The following RETREG1 variants were observed in gnomAD, a reference collection of about 807,000 sequenced individuals.
RETREG1 encodes reticulophagy regulator 1, also known as family with sequence similarity 134 member B.
RETREG1 carries 44 observed loss-of-function variants against 54.8 expected under a neutral mutation model. The observed-to-expected ratio is 0.80, with a 90% confidence interval of 0.63 to 1.03. RETREG1 has a LOEUF of 1.03. Among genes scored for constraint, RETREG1 ranks in the 50% least tolerant of loss-of-function variants. The pLI, the probability that RETREG1 is intolerant of heterozygous loss-of-function variation, is 0.00. For synonymous variants in RETREG1, 217 were observed against 238.5 expected (o/e 0.91, Z 0.83); for missense variants, 554 against 605.1 (o/e 0.92, Z 0.89).
chr5:16,575,716 G>C (rs1275762452), intron 1 of RETREG1, among the ~76,000 whole-genome samples: 3 of 152,132 alleles, frequency 2.0e-5, no homozygotes, highest in Non-Finnish European at 4.4e-5. Flanking sequence ...GAGAATCCTC[G>C]GTCCACTGAG....
chr5:16,559,954 A>T (rs1477582700), intron 3 of RETREG1, among the ~76,000 whole-genome samples: 1 of 152,216 alleles, frequency 6.6e-6, no homozygotes, highest in African/African-American at 2.4e-5. Flanking sequence ...CTGTTCACAG[A>T]TTGTAGAGTT....
chr5:16,486,873 C>A (rs972220370), intron 3 of RETREG1, among the ~76,000 whole-genome samples: 1 of 152,174 alleles, frequency 6.6e-6, no homozygotes, highest in African/African-American at 2.4e-5. Flanking sequence ...CCAAGATCTA[C>A]GCTTAGTGGT....
intron 4 of RETREG1, among the ~76,000 whole-genome samples, chr5:16,482,804 T>A (rs550868707): frequency 4.6e-5 from 7 of 152,234 alleles, no homozygotes; most frequent in Admixed American, 4.6e-4. Context: ...TTCCCAACCA[T>A]GTAAGACACT....
intron 3 of RETREG1, among the ~76,000 whole-genome samples, chr5:16,539,277 C>G (rs188943434): frequency 1.3e-3 from 193 of 152,256 alleles, no homozygotes; most frequent in Non-Finnish European, 2.1e-3. Context: ...TTTTGCTTCT[C>G]CACTCATGTG....
chr5:16,579,136 T>G (rs1186096861), intron 1 of RETREG1, among the ~76,000 whole-genome samples: 1 of 152,208 alleles, frequency 6.6e-6, no homozygotes, highest in East Asian at 1.9e-4. Flanking sequence ...GCACAAGTTA[T>G]GAATTCCAGA....
chr5:16,591,014 A>G (rs1334038404), intron 1 of RETREG1, among the ~76,000 whole-genome samples: 1 of 152,202 alleles, frequency 6.6e-6, no homozygotes, highest in African/African-American at 2.4e-5. Context: ...ATTACACCTC[A>G]GTCCAAAAAC....
intron 3 of RETREG1, among the ~76,000 whole-genome samples, chr5:16,497,170 C>T (rs1441114632): frequency 1.3e-5 from 2 of 152,196 alleles, no homozygotes; most frequent in Non-Finnish European, 2.9e-5. Context: ...CTAATCCTCA[C>T]AACACTCTGA....
At chr5:16,538,629 A>C (rs1374263190) in intron 3 of RETREG1, among the ~76,000 whole-genome samples, 1 of 152,096 alleles carries the variant, frequency 6.6e-6, no homozygotes, top group Non-Finnish European at 1.5e-5. Flanking sequence ...AGACCTACCA[A>C]GACACCATGT....
intron 1 of RETREG1, 78 bp from the exon 2 acceptor site, chr5:16,572,180 C>G (rs1259330550): frequency 6.4e-6 from 6 of 939,736 alleles, no homozygotes; most frequent in Middle Eastern, 2.2e-4. Context: ...CTTCCTGCCA[C>G]AGAAACAAAA....
At chr5:16,595,750 T>A (rs937856617) in intron 1 of RETREG1, among the ~76,000 whole-genome samples, 3 of 152,136 alleles carry the variant, frequency 2.0e-5, no homozygotes, top group Non-Finnish European at 4.4e-5. Flanking sequence ...AAACCCGGGC[T>A]CATTTGTCAG....
In RETREG1 at chr5:16,481,619, A is replaced by C. The variant is rs370024137; in HGVS notation, c.586-526T>G. 3.3e-5 allele frequency among the ~76,000 whole-genome samples: 5 copies of C among 152,142 alleles called. No individual in the cohort carries two copies. The South Asian group carries it at 1.0e-3, about 32-fold the overall frequency. On this transcript the variant is annotated intron_variant, in intron 4 of 8. Coordinates refer to ENST00000306320, the MANE Select transcript of RETREG1 (RefSeq NM_001034850.3). ...AATTTATAGCTGCTAAGCTGACAGG[A>C]TAAATTTATGGCCATCACTATCCTC...
At chr5:16,539,522 C>T (rs1271994778) in intron 3 of RETREG1, among the ~76,000 whole-genome samples, 1 of 152,170 alleles carries the variant, frequency 6.6e-6, no homozygotes, top group African/African-American at 2.4e-5. Context: ...CAAAATACAG[C>T]CGCTGATCCC....
chr5:16,483,301 A>C (rs1738883639), intron 4 of RETREG1, 45 bp downstream of exon 4: 1 of 1,609,238 alleles, frequency 6.2e-7, no homozygotes, highest in Non-Finnish European at 8.5e-7. Flanking sequence ...TTTGTTTCCA[A>C]GTAACTGAAC....
At chr5:16,526,120 A>C (rs759625307) in intron 3 of RETREG1, among the ~76,000 whole-genome samples, 2 of 152,230 alleles carry the variant, frequency 1.3e-5, no homozygotes, top group Non-Finnish European at 2.9e-5. Flanking sequence ...GCAAGTTGAC[A>C]TGAATTTAAC....
chr5:16,596,519 A>G (rs1742897145), intron 1 of RETREG1, among the ~76,000 whole-genome samples: 1 of 152,244 alleles, frequency 6.6e-6, no homozygotes, highest in Admixed American at 6.5e-5. Flanking sequence ...GACGCTCTCA[A>G]CTCAATGCAT....
chr5:16,606,385 T>C (rs935204829), intron 1 of RETREG1, among the ~76,000 whole-genome samples: 3 of 152,086 alleles, frequency 2.0e-5, no homozygotes, highest in Non-Finnish European at 4.4e-5. Context: ...CCAGGAAATT[T>C]CACACGTTCC....
rs970589964 is a variant in RETREG1, at chr5:16,526,205, G to A, written c.458+39558C>T. On this transcript the variant is annotated intron_variant, in intron 3 of 8. Coordinates refer to ENST00000306320, the MANE Select transcript of RETREG1 (RefSeq NM_001034850.3). ...GTATCAAATGGCTCAGGGAGATTCT[G>A]TAGAGAAATATTTTGTTTCCAAGAA... 3.3e-5 allele frequency among the ~76,000 whole-genome samples: 5 copies of A among 152,364 alleles called. No individual in the cohort carries two copies. In the South Asian group the frequency reaches 1.0e-3, roughly 32 times the overall value.
At chr5:16,600,514 C>G (rs1579721497) in intron 1 of RETREG1, among the ~76,000 whole-genome samples, 1 of 152,208 alleles carries the variant, frequency 6.6e-6, no homozygotes, top group Admixed American at 6.5e-5. Flanking sequence ...CAGGCACATT[C>G]TGATGGGGAC....
intron 1 of RETREG1, among the ~76,000 whole-genome samples, chr5:16,580,775 C>T (rs1356949642): frequency 6.6e-6 from 1 of 152,100 alleles, no homozygotes; most frequent in African/African-American, 2.4e-5. Flanking sequence ...TGTGCGCCAT[C>T]CTCACTAGAG....
Sources: gnomAD v4.1 joint callset for allele counts (sites outside exome capture counted in the v4.1 genomes callset) on GRCh38, gnomAD v4.1.1 for gene constraint, MANE v1.5 for transcripts, NCBI Gene and HGNC (gene_info 2026-07-23, HGNC 2026-07-21) for gene names.